Variants in PPFIA3 observed in about 807,000 individuals in gnomAD.
The protein encoded by PPFIA3 is liprin-alpha-3.
PPFIA3 carries 26 observed loss-of-function variants against 145.8 expected under a neutral mutation model. The ratio of observed to expected loss-of-function variants is 0.18; its 90% confidence interval spans 0.13 to 0.25. The LOEUF (loss-of-function observed/expected upper bound fraction) is 0.25. Ranked by LOEUF, PPFIA3 falls within the 10% of genes least tolerant of loss-of-function variation. The pLI, the probability that PPFIA3 is intolerant of heterozygous loss-of-function variation, is 1.00. For missense variants in PPFIA3, 1,008 were observed against 1,587.8 expected, an observed-to-expected ratio of 0.63 and a Z score of 6.21; for synonymous variants, 645 against 661.4, an observed-to-expected ratio of 0.98 and a Z score of 0.38.
chr19:49,126,197 C>T, intron 1 of PPFIA3, among the ~76,000 whole-genome samples: 1 of 152,074 alleles, frequency 6.6e-6, no homozygotes, highest in Non-Finnish European at 1.5e-5. Context: ...ATCCAACAGC[C>T]TCAGCCTCCC....
At position 49,146,306 on chromosome 19, in the gene PPFIA3, G is replaced by T. The variant is rs543574383; in HGVS notation, c.2835+114G>T. The T allele has an allele frequency of 3.7e-5, 50 of 1,342,698 alleles. No homozygotes were observed. The South Asian group carries it at 6.2e-4, about 17-fold the overall frequency. 83.2% of individuals were successfully genotyped at this position (1,342,698 alleles called of 1,614,324 possible). On this transcript the variant is annotated intron_variant, in intron 23 of 29. Transcript: ENST00000334186. ...CCAGAACATGCCATCATCCCCATGG[G>T]GGGGCGCTGCGCCAAGCTTGGCTCT... is the stretch of plus-strand genomic sequence containing the variant.
rs777466058 is a variant in PPFIA3 at position 49,149,553 on chromosome 19, G to A, written c.3361G>A (p.Ala1121Thr). ...GTDRRLDEDS[A>T]KSFSRSPSWR... ...GTCCGGCTCCTATACCTAGGACAGC[G>A]CCAAGTCTTTCAGCCGCTCCCCATC... is the stretch of plus-strand genomic sequence containing the variant. The change falls in exon 28 of 30, where the codon GCC (alanine) becomes ACC (threonine). Residue 1121 changes from alanine to threonine, a missense_variant. Physicochemically the swap from Ala to Thr is moderately conservative, Grantham distance 58 (BLOSUM62 0). Transcript: ENST00000334186. This position sits in a 1 kb window ranked among gnomAD's most constrained non-coding sequence, Gnocchi z 5.7. 6.2e-7 allele frequency: 1 copy of A among 1,614,168 alleles called. No homozygotes were observed. The highest frequency in any genetic ancestry group is 8.5e-7 in the Non-Finnish European group (1 of 1,180,030).
intron 23 of PPFIA3, among the ~76,000 whole-genome samples, chr19:49,147,873 G>A (rs528930171): frequency 6.6e-6 from 1 of 152,232 alleles, no homozygotes. Flanking sequence ...TAGGTCTCAG[G>A]ACAACTGTTT....
rs139566575 is a variant in PPFIA3 at position 49,135,711 on chromosome 19, C to G, written c.1521-68C>G. 47 of 1,493,372 alleles carry G rather than the reference C, an allele frequency of 3.1e-5. No individual in the cohort carries two copies. The African/African-American group carries it at 5.5e-4, about 17-fold the overall frequency. The allele number at this position is 1,493,372 out of a possible 1,614,324, so 92.5% of individuals were successfully genotyped here. ...AGGACCCCTGGCCCTAGGTCTGTCT[C>G]TGTGACCCTTACCTCTGTGCTCTTT... On this transcript the variant is annotated intron_variant, in intron 13 of 29. Coordinates refer to ENST00000334186, the MANE Select transcript of PPFIA3 (RefSeq NM_003660.4).
chr19:49,150,278 T>G lies in PPFIA3; in HGVS notation c.*56T>G. Reference sequence around the variant, plus strand: ...GAAGAATCTTCCCGAGGCTGGGCTGTTCCCTCTCCTGCCCGGACTGTGGCC... The same window carrying G: ...GAAGAATCTTCCCGAGGCTGGGCTGGTCCCTCTCCTGCCCGGACTGTGGCC... On this transcript the variant is annotated 3_prime_UTR_variant, in exon 30 of 30. Transcript: ENST00000334186. 4 of 898,044 alleles carry G rather than the reference T, an allele frequency of 4.5e-6. No individual in the cohort carries two copies. Among genetic ancestry groups the G allele is most frequent in the Non-Finnish European group, 6.7e-6 (4 of 600,500 alleles). The allele number at this position is 898,044 out of a possible 1,614,324, so 55.6% of individuals were successfully genotyped here.
chr19:49,132,165 A>G (rs1235876956), intron 7 of PPFIA3, among the ~76,000 whole-genome samples: 1 of 151,878 alleles, frequency 6.6e-6, no homozygotes, highest in African/African-American at 2.4e-5. Context: ...AGGCAGGCAC[A>G]TCACCTGAGG....
In PPFIA3 at chr19:49,130,347, G is replaced by A. The variant is rs1273918187; in HGVS notation, c.658-31G>A. ...TCCTCTGTGTCTCCGGAGACACTCTGGGATCTTGTCCCCTCCTTCCCTCAC... is the reference window on the plus strand; with the variant it reads ...TCCTCTGTGTCTCCGGAGACACTCTAGGATCTTGTCCCCTCCTTCCCTCAC... On this transcript the variant is annotated intron_variant, in intron 6 of 29. Coordinates refer to ENST00000334186, the MANE Select transcript of PPFIA3 (RefSeq NM_003660.4). The surrounding 1 kb of genome is among the most constrained non-coding windows in gnomAD (Gnocchi z 4.5). 1.9e-6 allele frequency: 3 copies of A among 1,549,226 alleles called. No homozygotes were observed. In the East Asian group the frequency reaches 6.9e-5, roughly 36 times the overall value.
intron 16 of PPFIA3, among the ~76,000 whole-genome samples, chr19:49,139,323 C>CA (rs1223957489): frequency 0.014 from 1,559 of 111,852 alleles, 15 homozygotes; most frequent in African/African-American, 0.022. Flanking sequence ...GACTCTGTCT[C>CA]AAAAAAAAAA....
At chr19:49,131,165 CT>C (rs74182040) in intron 7 of PPFIA3, among the ~76,000 whole-genome samples, 1,506 of 102,102 alleles carry the variant, frequency 0.015, 14 homozygotes, top group Middle Eastern at 0.037. Context: ...CACCCAGCCT[CT>C]TTTTTTTTTT....
At position 49,135,837 on chromosome 19, in the gene PPFIA3, G is replaced by C. The variant is rs1952995968; in HGVS notation, c.1579G>C (p.Gly527Arg). The C allele has an allele frequency of 6.2e-7, 1 of 1,613,840 alleles. No individual in the cohort carries two copies. The highest frequency in any genetic ancestry group is 1.7e-5 in the Admixed American group (1 of 59,986). ...RYSQAPTLPS[G>R]AHLDPYVAGS... ...CTCTCAGGCACCCACTTTACCTTCT[G>C]GTGCCCACCTGGATCCCTATGTGGC... Residue 527 changes from glycine (G) to arginine (R), a missense_variant, in exon 14 of 30, where the codon GGT (glycine) becomes CGT (arginine). Around this residue, in one of 11 missense-constraint regions of PPFIA3, gnomAD observed 121 missense variants for 138.2 expected, o/e 0.88. Coordinates refer to ENST00000334186, the MANE Select transcript of PPFIA3 (RefSeq NM_003660.4).
Position 49,149,797 on chromosome 19 carries a change from G to A in PPFIA3, c.3526+79G>A. 7.3e-6 allele frequency: 11 copies of A among 1,499,216 alleles called. No individual in the cohort carries two copies. Among genetic ancestry groups the A allele is most frequent in the Non-Finnish European group, 9.8e-6 (11 of 1,120,318 alleles). 92.9% of individuals were successfully genotyped at this position (1,499,216 alleles called of 1,614,324 possible). A position where few individuals can be genotyped will look rare whatever the true frequency, so the allele number is the denominator to read the frequency against. On this transcript the variant is annotated intron_variant, in intron 28 of 29. Transcript: ENST00000334186. This position sits in a 1 kb window ranked among gnomAD's most constrained non-coding sequence, Gnocchi z 5.7. Reference sequence around the variant, plus strand: ...GGACCACCTCAGTAGTCCGGGTTCTGGAATGGCCTAGTCCTTTCTCGCCCA... The same window carrying A: ...GGACCACCTCAGTAGTCCGGGTTCTAGAATGGCCTAGTCCTTTCTCGCCCA...
intron 14 of PPFIA3, among the ~76,000 whole-genome samples, chr19:49,136,421 G>A (rs956875126): frequency 6.6e-6 from 1 of 152,116 alleles, no homozygotes; most frequent in Non-Finnish European, 1.5e-5. Flanking sequence ...AAATGGCATC[G>A]CTACTAAAAA....
At chr19:49,148,480 A>G in intron 24 of PPFIA3, 186 bp from the exon 25 acceptor site, 1 of 724,052 alleles carries the variant, frequency 1.4e-6, no homozygotes, top group Non-Finnish European at 2.3e-6. Context: ...GACCCCTTCC[A>G]GGCTGGCCAG....
chr19:49,136,190 T>C (rs2041135041), intron 14 of PPFIA3, among the ~76,000 whole-genome samples: 1 of 150,672 alleles, frequency 6.6e-6, no homozygotes, highest in African/African-American at 2.4e-5. Context: ...TGGGGTTAGG[T>C]GAGGAACAGG....
Position 49,135,935 on chromosome 19 carries a change from C to A in PPFIA3, c.1665+12C>A. ...AGGAGCCCTCCAAGGTCAGCAGCTG[C>A]CTCTGGGTCCTGGACTGAGCAGGGC... On this transcript the variant is annotated intron_variant, in intron 14 of 29. Transcript: ENST00000334186. 1 of 1,604,880 alleles carries A rather than the reference C, an allele frequency of 6.2e-7. No individual in the cohort carries two copies.
intron 15 of PPFIA3, 129 bp downstream of exon 15, chr19:49,137,040 A>G: frequency 1.2e-6 from 1 of 868,160 alleles, no homozygotes; most frequent in Non-Finnish European, 1.7e-6. Context: ...CTTCCAGCCC[A>G]ACACTCACTC....
At chr19:49,125,363 C>A in intron 1 of PPFIA3, 1 of 152,364 alleles carries the variant, frequency 6.6e-6, no homozygotes, top group East Asian at 1.9e-4. Context: ...GCGTTGCCCG[C>A]AGGGAGAGAA....
intron 21 of PPFIA3, among the ~76,000 whole-genome samples, chr19:49,144,878 T>A (rs1288471987): frequency 2.0e-5 from 3 of 152,032 alleles, no homozygotes; most frequent in Admixed American, 2.0e-4. Context: ...ACATCCTTTA[T>A]CACACCTAAG....
chr19:49,133,520 C>T lies in PPFIA3; in HGVS notation c.1161+149C>T. 1 of 1,106,760 alleles carries T rather than the reference C, an allele frequency of 9.0e-7. No individual in the cohort carries two copies. Among genetic ancestry groups the T allele is most frequent in the Non-Finnish European group, 1.3e-6 (1 of 798,200 alleles). The allele number at this position is 1,106,760 out of a possible 1,614,324, so 68.6% of individuals were successfully genotyped here. ...CCTAGGGGCTGGGAAAGGGACAGGA[C>T]TTGGAATGGGGAGGGCCTGGAGGTT... On this transcript the variant is annotated intron_variant, in intron 9 of 29. Coordinates refer to ENST00000334186, the MANE Select transcript of PPFIA3 (RefSeq NM_003660.4). The surrounding 1 kb of genome is among the most constrained non-coding windows in gnomAD (Gnocchi z 7.2).
Sources: allele counts gnomAD v4.1 joint callset (sites outside exome capture counted in the v4.1 genomes callset), GRCh38; gene constraint gnomAD v4.1.1; regional missense constraint gnomAD v4.1.1; non-coding constraint Gnocchi (gnomAD v3.1); transcripts MANE v1.5; gene names NCBI Gene and HGNC (gene_info 2026-07-23, HGNC 2026-07-21).